The following FYB1 variants were observed in gnomAD, a reference collection of about 807,000 sequenced individuals.
FYB1 encodes the protein FYN binding protein 1.
Under a neutral mutation model 94.1 loss-of-function variants are expected in FYB1, and 41 were observed. That is an observed-to-expected ratio of 0.44 (90% CI 0.34 to 0.57). The LOEUF (loss-of-function observed/expected upper bound fraction) is 0.57. Ranked by LOEUF, FYB1 falls within the 20% of genes least tolerant of loss-of-function variation. The pLI is 0.02. For synonymous variants in FYB1, 367 were observed against 353.2 expected (o/e 1.04, Z -0.44); for missense variants, 1,050 against 976.8 (o/e 1.07, Z -1.00).
intron 1 of FYB1, among the ~76,000 whole-genome samples, chr5:39,242,374 G>C (rs1425944970): frequency 1.3e-5 from 2 of 148,710 alleles, no homozygotes; most frequent in East Asian, 4.0e-4. Flanking sequence ...CCACCTATGA[G>C]TGAGAACATG....
chr5:39,175,040 C>A lies in FYB1; in HGVS notation c.1136-21436G>T, dbSNP rs78146828. Among the ~76,000 whole-genome samples, 875 of 151,878 alleles carry A rather than the reference C, an allele frequency of 5.8e-3. 12 individuals are homozygous for A. Among genetic ancestry groups the A allele is most frequent in the African/African-American group, 0.02 (819 of 41,372 alleles). The stretch of plus-strand genomic sequence containing the variant: ...TTGCTTGCTCTTACCTGTGTGTGTG[C>A]GTTTGTGGTGGGATGATTATTTAGG... On this transcript the variant is annotated intron_variant, in intron 2 of 18. Coordinates refer to ENST00000512982, the MANE Select transcript of FYB1 (RefSeq NM_001465.6).
chr5:39,232,860 T>A (rs1008477188), intron 1 of FYB1, among the ~76,000 whole-genome samples: 3 of 152,046 alleles, frequency 2.0e-5, no homozygotes, highest in South Asian at 2.1e-4. Context: ...GAATGATGAT[T>A]TCCAATTTCA....
chr5:39,166,960 TA>T (rs1744794339), intron 2 of FYB1, among the ~76,000 whole-genome samples: 1 of 151,838 alleles, frequency 6.6e-6, no homozygotes, highest in African/African-American at 2.4e-5. Context: ...TTTATATAAA[TA>T]AAAAAAGAAA....
chr5:39,134,645 A>G (rs1221304181), intron 8 of FYB1, among the ~76,000 whole-genome samples: 1 of 152,188 alleles, frequency 6.6e-6, no homozygotes, highest in African/African-American at 2.4e-5. Flanking sequence ...TTCCTCCTGG[A>G]ATAATATAAA....
intron 2 of FYB1, among the ~76,000 whole-genome samples, chr5:39,173,606 G>A (rs115899721): frequency 6.6e-6 from 1 of 152,076 alleles, no homozygotes; most frequent in Non-Finnish European, 1.5e-5. Context: ...ACCCACTTGA[G>A]TTAATTTTTG....
rs777472085 is a variant in FYB1 at position 39,217,345 on chromosome 5, G to T, written c.-28+2098C>A. On this transcript the variant is annotated intron_variant, in intron 1 of 18. Coordinates refer to ENST00000512982, the MANE Select transcript of FYB1 (RefSeq NM_001465.6). ...ATTTTACAAAAAAGAAACTGCGTAAGGGATCTGTCCAGGTTCACACAGTTG... is the reference window on the plus strand; with the variant it reads ...ATTTTACAAAAAAGAAACTGCGTAATGGATCTGTCCAGGTTCACACAGTTG... 3.7e-4 allele frequency among the ~76,000 whole-genome samples: 56 copies of T among 152,280 alleles called. 1 individual carries two copies. In the Middle Eastern group the frequency reaches 0.014, roughly 37 times the overall value.
intron 1 of FYB1, among the ~76,000 whole-genome samples, chr5:39,272,931 C>A (rs1752703990): frequency 6.6e-6 from 1 of 152,150 alleles, no homozygotes; most frequent in Non-Finnish European, 1.5e-5. Context: ...ATTTAGTGGT[C>A]TTTCAAACAC....
chr5:39,207,748 C>A (rs1192346028), intron 1 of FYB1, among the ~76,000 whole-genome samples: 1 of 150,654 alleles, frequency 6.6e-6, no homozygotes, highest in Non-Finnish European at 1.5e-5. Context: ...GGATATTATG[C>A]TAATCTACTG....
At chr5:39,167,723 G>A (rs1744868535) in intron 2 of FYB1, among the ~76,000 whole-genome samples, 1 of 152,222 alleles carries the variant, frequency 6.6e-6, no homozygotes, top group South Asian at 2.1e-4. Flanking sequence ...AGATCTAAAA[G>A]TAGAATTGCT....
intron 1 of FYB1, among the ~76,000 whole-genome samples, chr5:39,255,130 T>C (rs893602886): frequency 1.3e-5 from 2 of 152,150 alleles, no homozygotes; most frequent in African/African-American, 2.4e-5. Flanking sequence ...GAGAAAATCA[T>C]GGAGCTATTT....
chr5:39,122,543 A>C lies in FYB1; in HGVS notation c.2072-141T>G, dbSNP rs1740227123. ...TAGTGTCTCGGTAAATTTCTCCTGG[A>C]AGCATTGTCTGCTTCTGAAAGGGGA... On this transcript the variant is annotated intron_variant, in intron 13 of 18. Coordinates refer to ENST00000512982, the MANE Select transcript of FYB1 (RefSeq NM_001465.6). 5.3e-6 allele frequency: 3 copies of C among 571,284 alleles called. No homozygotes were observed. The Admixed American group carries it at 1.0e-4, about 19-fold the overall frequency. The allele number at this position is 571,284 out of a possible 1,614,324, so 35.4% of individuals were successfully genotyped here. A position where few individuals can be genotyped will look rare whatever the true frequency, so the allele number is the denominator to read the frequency against.
At chr5:39,144,227 G>C (rs149074113) in intron 3 of FYB1, among the ~76,000 whole-genome samples, 1,575 of 152,206 alleles carry the variant, frequency 0.01, 25 homozygotes, top group African/African-American at 0.036. Context: ...GAGTGTCAAT[G>C]GCTGCTCACA....
intron 1 of FYB1, among the ~76,000 whole-genome samples, chr5:39,257,392 T>G (rs1751983115): frequency 6.6e-6 from 1 of 151,404 alleles, no homozygotes; most frequent in Non-Finnish European, 1.5e-5. Flanking sequence ...AGATACTTAT[T>G]TTGACTTAGG....
At chr5:39,195,368 G>T (rs941316697) in intron 2 of FYB1, among the ~76,000 whole-genome samples, 1 of 152,206 alleles carries the variant, frequency 6.6e-6, no homozygotes, top group Non-Finnish European at 1.5e-5. Flanking sequence ...ATAAGGTCAT[G>T]TTAAGAGAGT....
At position 39,105,711 on chromosome 5, in the gene FYB1, A is replaced by G. The variant is rs1760336125; in HGVS notation, c.*1732T>C. On this transcript the variant is annotated 3_prime_UTR_variant, in exon 19 of 19. Coordinates refer to ENST00000512982, the MANE Select transcript of FYB1 (RefSeq NM_001465.6). ...TATATATTTATTACCAAATTTAATA[A>G]ACAAAAACCACTTTTGAACCAGGTA... 6.6e-6 allele frequency: 1 copy of G among 152,204 alleles called. No homozygotes were observed. Among genetic ancestry groups the G allele is most frequent in the Non-Finnish European group, 1.5e-5 (1 of 68,038 alleles). The allele number at this position is 152,204 out of a possible 1,614,324, so 9.4% of individuals were successfully genotyped here.
chr5:39,157,393 G>C (rs1413390163), intron 2 of FYB1, among the ~76,000 whole-genome samples: 1 of 152,098 alleles, frequency 6.6e-6, no homozygotes, highest in Non-Finnish European at 1.5e-5. Context: ...AGACTGTAAG[G>C]CTCACATATC....
chr5:39,174,942 G>T (rs921181323), intron 2 of FYB1, among the ~76,000 whole-genome samples: 1 of 152,198 alleles, frequency 6.6e-6, no homozygotes. Context: ...CTCCCATAGA[G>T]AAACCAGTGT....
intron 5 of FYB1, 181 bp downstream of exon 5, chr5:39,139,052 A>T: frequency 1.6e-6 from 1 of 633,484 alleles, no homozygotes; most frequent in African/African-American, 1.8e-5. Flanking sequence ...ATAATGAGTC[A>T]GTGTGATGAC....
upstream of FYB1, among the ~76,000 whole-genome samples, chr5:39,222,027 GTAAAA>G (rs953731424): frequency 1.3e-4 from 20 of 149,412 alleles, no homozygotes; most frequent in Admixed American, 2.0e-4. Flanking sequence ...ATAAAATAAA[GTAAAA>G]TAAAATAAAA....
Sources: allele counts gnomAD v4.1 joint callset (sites outside exome capture counted in the v4.1 genomes callset), GRCh38; gene constraint gnomAD v4.1.1; transcripts MANE v1.5; gene names NCBI Gene and HGNC (gene_info 2026-07-23, HGNC 2026-07-21).